URB2: variants seen among roughly 807,000 people sequenced by gnomAD.
URB2 encodes unhealthy ribosome biogenesis protein 2 homolog.
URB2 carries 86 observed loss-of-function variants against 120.9 expected under a neutral mutation model. That is an observed-to-expected ratio of 0.71 (90% CI 0.60 to 0.85). The LOEUF (loss-of-function observed/expected upper bound fraction) is 0.85. Among genes scored for constraint, URB2 ranks in the 40% least tolerant of loss-of-function variants. The pLI is 0.00. For missense variants in URB2, 1,765 were observed against 1,836.5 expected (o/e 0.96, Z 0.71); for synonymous variants, 755 against 758.4 (o/e 1.00, Z 0.07).
intron 3 of URB2, among the ~76,000 whole-genome samples, chr1:229,632,791 G>A (rs547903635): frequency 3.3e-5 from 5 of 150,332 alleles, no homozygotes; most frequent in Non-Finnish European, 5.9e-5. Context: ...GCCAAAATCC[G>A]GACAGGAATT....
In URB2 at chr1:229,632,289, A is replaced by G. The variant is rs755643516; in HGVS notation, c.147A>G (p.Arg49=). The G allele has an allele frequency of 6.4e-7, 1 of 1,571,900 alleles. No individual in the cohort carries two copies. Among genetic ancestry groups the G allele is most frequent in the East Asian group, 2.3e-5 (1 of 43,098 alleles). Residue 49 remains arginine, a synonymous_variant, in exon 3 of 10, where the codon AGA becomes AGG. Transcript: ENST00000258243. The part of the protein sequence containing the change: ...NKEQVLLDWA[R]QSLVAFYKKK... ...TTCAGGTGTTACTTGATTGGGCAAG[A>G]CAATCATTGGTTGCATTTTATAAGA...
intron 7 of URB2, among the ~76,000 whole-genome samples, chr1:229,648,747 C>G (rs1666206975): frequency 1.3e-5 from 2 of 152,186 alleles, no homozygotes; most frequent in African/African-American, 4.8e-5. Context: ...ATGGTGCCAC[C>G]ACTGTATGTG....
chr1:229,644,518 C>T (rs1221915354), intron 5 of URB2, among the ~76,000 whole-genome samples: 1 of 152,120 alleles, frequency 6.6e-6, no homozygotes, highest in Non-Finnish European at 1.5e-5. Flanking sequence ...GGAAGGGAGG[C>T]GTGCACCGTG....
chr1:229,638,019 G>A lies in URB2; in HGVS notation c.3406G>A (p.Gly1136Arg). ...ADLGQHCRDG[G>R]ADISQGSDRT... ...CCTGGGTCAGCACTGCAGGGATGGAGGGGCCGACATTTCCCAAGGAAGCGA... is the reference window on the plus strand; with the variant it reads ...CCTGGGTCAGCACTGCAGGGATGGAAGGGCCGACATTTCCCAAGGAAGCGA... Residue 1136 changes from glycine (G) to arginine (R), a missense_variant, in exon 4 of 10, where the codon GGG (glycine) becomes AGG (arginine). Transcript: ENST00000258243. The A allele has an allele frequency of 6.2e-7, 1 of 1,613,236 alleles. No homozygotes were observed. The highest frequency in any genetic ancestry group is 8.5e-7 in the Non-Finnish European group (1 of 1,179,458).
intron 5 of URB2, among the ~76,000 whole-genome samples, chr1:229,645,068 A>G (rs1666107066): frequency 6.6e-6 from 1 of 152,092 alleles, no homozygotes. Flanking sequence ...GGTGGATTAT[A>G]TGAGGTCAGG....
At chr1:229,648,070 T>C (rs1666194563) in intron 7 of URB2, among the ~76,000 whole-genome samples, 1 of 152,202 alleles carries the variant, frequency 6.6e-6, no homozygotes, top group Non-Finnish European at 1.5e-5. Flanking sequence ...GCTGACATCA[T>C]GCTACCAGTG....
Position 229,635,827 on chromosome 1 carries a change from T to C in URB2, c.1214T>C (p.Ile405Thr). The C allele has an allele frequency of 6.2e-7, 1 of 1,614,108 alleles. No individual in the cohort carries two copies. The change falls in exon 4 of 10, where the codon ATA becomes ACA. Residue 405 changes from isoleucine (I) to threonine (T), a missense_variant. Transcript: ENST00000258243. Reference protein sequence around the residue: ...ELLINHAQAPIPAWFRCLKTL... With the variant: ...ELLINHAQAPTPAWFRCLKTL... ...CTGATAAACCATGCACAAGCACCCA[T>C]ACCGGCCTGGTTCCGCTGTCTGAAG...
At chr1:229,640,942 G>A (rs761411209) in intron 4 of URB2, among the ~76,000 whole-genome samples, 29 of 151,530 alleles carry the variant, frequency 1.9e-4, no homozygotes, top group Non-Finnish European at 1.3e-4. Context: ...TCTGCCCTGT[G>A]CCCCTTAGCT....
At position 229,645,968 on chromosome 1, in the gene URB2, C is replaced by T. The variant is rs1254130317; in HGVS notation, c.3905C>T (p.Thr1302Ile). Residue 1302 changes from threonine to isoleucine, a missense_variant and splice_region_variant, in exon 6 of 10, where the codon ACA (threonine) becomes ATA (isoleucine). Physicochemically the swap from Thr to Ile is moderately conservative, Grantham distance 89. Coordinates refer to ENST00000258243, the MANE Select transcript of URB2 (RefSeq NM_014777.4). ...TGTCCCCAGATAGTCACAGCTTTAA[C>T]AGTGAGTACCCTCTGGAGATGTGTC... is the stretch of plus-strand genomic sequence containing the variant. ...RACPQIVTAL[T>I]LLNREASQEQ... is the part of the protein sequence containing the mutation. The T allele has an allele frequency of 6.2e-7, 1 of 1,613,964 alleles. No individual in the cohort carries two copies. Among genetic ancestry groups the T allele is most frequent in the Admixed American group, 1.7e-5 (1 of 60,038 alleles).
At position 229,638,441 on chromosome 1, in the gene URB2, C is replaced by A. The variant is rs113291692; in HGVS notation, c.3634+194C>A. Among the ~76,000 whole-genome samples the A allele has an allele frequency of 7.0e-3, 1,065 of 152,050 alleles. 15 individuals are homozygous for A. The highest frequency in any genetic ancestry group is 0.025 in the African/African-American group (1,026 of 41,474). On this transcript the variant is annotated intron_variant, in intron 4 of 9. Transcript: ENST00000258243. ...CGGGCGGATCACAAGGCCAGGAGATCGAGACCATCCTGGCTAACACGGAGA... is the reference window on the plus strand; with the variant it reads ...CGGGCGGATCACAAGGCCAGGAGATAGAGACCATCCTGGCTAACACGGAGA...
At chr1:229,646,705 G>A (rs1374341141) in intron 6 of URB2, among the ~76,000 whole-genome samples, 1 of 152,172 alleles carries the variant, frequency 6.6e-6, no homozygotes, top group Non-Finnish European at 1.5e-5. Context: ...TCCAGTTGTT[G>A]CTAGGCTGTT....
chr1:229,635,565 G>C lies in URB2; in HGVS notation c.952G>C (p.Glu318Gln). The change falls in exon 4 of 10, where the codon GAG (glutamate) becomes CAG (glutamine). Residue 318 changes from glutamate to glutamine, a missense_variant. Physicochemically the swap from Glu to Gln is conservative, Grantham distance 29. Coordinates refer to ENST00000258243, the MANE Select transcript of URB2 (RefSeq NM_014777.4). ...GCTCTTTCTAGATTCTTACTTTAAG[G>C]AGGGAAACCAGCTTCTCTGCTTCCA... is the stretch of plus-strand genomic sequence containing the variant. ...YKLFLDSYFKEGNQLLCFQVL... is the reference protein window; with the variant it reads ...YKLFLDSYFKQGNQLLCFQVL... 1 of 1,614,100 alleles carries C rather than the reference G, an allele frequency of 6.2e-7. No homozygotes were observed. Among genetic ancestry groups the C allele is most frequent in the Non-Finnish European group, 8.5e-7 (1 of 1,180,032 alleles).
At chr1:229,633,510 A>G (rs1018396216) in intron 3 of URB2, among the ~76,000 whole-genome samples, 4 of 152,234 alleles carry the variant, frequency 2.6e-5, no homozygotes, top group African/African-American at 9.6e-5. Flanking sequence ...ATCATCATCA[A>G]AAATTTGGAG....
At position 229,635,365 on chromosome 1, in the gene URB2, T is replaced by C. The variant is rs1413148087; in HGVS notation, c.752T>C (p.Leu251Pro). Reference protein sequence around the residue: ...FRGGIFQPELLSSYKEGLLDQ... With the variant: ...FRGGIFQPELPSSYKEGLLDQ... ...GGAGGGATTTTTCAGCCTGAGCTACTGTCATCCTACAAGGAGGGGCTCTTG... is the reference window on the plus strand; with the variant it reads ...GGAGGGATTTTTCAGCCTGAGCTACCGTCATCCTACAAGGAGGGGCTCTTG... The change falls in exon 4 of 10, where the codon CTG becomes CCG. Residue 251 changes from leucine to proline, a missense_variant. Transcript: ENST00000258243. 6.2e-7 allele frequency: 1 copy of C among 1,614,026 alleles called. No homozygotes were observed. The highest frequency in any genetic ancestry group is 1.3e-5 in the African/African-American group (1 of 74,950).
intron 2 of URB2, among the ~76,000 whole-genome samples, chr1:229,629,172 T>C (rs748317872): frequency 2.0e-5 from 3 of 152,256 alleles, no homozygotes; most frequent in Non-Finnish European, 4.4e-5. Context: ...CCTGTATAGA[T>C]AGGCACAGTC....
intron 4 of URB2, 69 bp from the exon 5 acceptor site, chr1:229,643,464 A>G (rs1666060857): frequency 3.2e-6 from 5 of 1,586,062 alleles, no homozygotes; most frequent in Admixed American, 1.7e-5. Flanking sequence ...GCGCAGTTTC[A>G]TCCTATGGCT....
In URB2 at chr1:229,626,289, T is replaced by TGCCGCC. The variant is rs1201291091; in HGVS notation, c.-79_-74dup. 1 of 153,840 alleles carries TGCCGCC rather than the reference T, an allele frequency of 6.5e-6. No homozygotes were observed. Among genetic ancestry groups the TGCCGCC allele is most frequent in the South Asian group, 2.0e-4 (1 of 5,102 alleles). The allele number at this position is 153,840 out of a possible 1,614,324, so 9.5% of individuals were successfully genotyped here. A position where few individuals can be genotyped will look rare whatever the true frequency, so the allele number is the denominator to read the frequency against. On this transcript the variant is annotated 5_prime_UTR_variant, in exon 1 of 10. Coordinates refer to ENST00000258243, the MANE Select transcript of URB2 (RefSeq NM_014777.4). Reference sequence around the variant, plus strand: ...GCACCGGGACAGCAGCCGCCGCCGCTGCCGCCGTCCTCCCCTGTCTACCCG... The same window carrying TGCCGCC: ...GCACCGGGACAGCAGCCGCCGCCGCTGCCGCCGCCGCCGTCCTCCCCTGTCTACCCG...
Position 229,659,160 on chromosome 1 carries a change from C to T in URB2, c.4438C>T (p.Leu1480Phe). 1 of 1,613,176 alleles carries T rather than the reference C, an allele frequency of 6.2e-7. No homozygotes were observed. Among genetic ancestry groups the T allele is most frequent in the Middle Eastern group, 1.9e-4 (1 of 5,198 alleles). The part of the protein sequence containing the change: ...LQEGIYLILD[L>F]CIEPDVQFLR... ...GGAGGGCATTTACCTCATCCTGGAC[C>T]TCTGCATCGAGCCTGACGTCCAGTT... Residue 1480 changes from leucine (L) to phenylalanine (F), a missense_variant, in exon 10 of 10, where the codon CTC becomes TTC. Coordinates refer to ENST00000258243, the MANE Select transcript of URB2 (RefSeq NM_014777.4).
chr1:229,640,880 T>G (rs947546192), intron 4 of URB2, among the ~76,000 whole-genome samples: 1 of 152,288 alleles, frequency 6.6e-6, no homozygotes, highest in East Asian at 1.9e-4. Flanking sequence ...TTAAGCCTAA[T>G]TACAGTGTTC....
Sources: allele counts gnomAD v4.1 joint callset (sites outside exome capture counted in the v4.1 genomes callset), GRCh38; gene constraint gnomAD v4.1.1; transcripts MANE v1.5; gene names NCBI Gene and HGNC (gene_info 2026-07-23, HGNC 2026-07-21).